IPP: variants seen among roughly 807,000 people sequenced by gnomAD.
IPP encodes actin-binding protein IPP.
IPP carries 41 observed loss-of-function variants against 64.1 expected under a neutral mutation model. The ratio of observed to expected loss-of-function variants is 0.64; its 90% CI spans 0.50 to 0.83. The LOEUF (loss-of-function observed/expected upper bound fraction) is 0.83. IPP is among the 40% of genes least tolerant of loss of function. The pLI, the probability that IPP is intolerant of heterozygous loss-of-function variation, is 0.00. For missense variants in IPP, 649 were observed against 703.0 expected, an observed-to-expected ratio of 0.92 and a Z score of 0.87; for synonymous variants, 214 against 235.2, an observed-to-expected ratio of 0.91 and a Z score of 0.83.
At chr1:45,713,870 GT>G (rs138178828) in intron 8 of IPP, among the ~76,000 whole-genome samples, 4 of 149,440 alleles carry the variant, frequency 2.7e-5, no homozygotes, top group African/African-American at 4.9e-5. Context: ...TACAAAAAAA[GT>G]TTTTTTTTTA....
At chr1:45,720,609 T>C (rs914300865) in intron 5 of IPP, among the ~76,000 whole-genome samples, 6 of 152,168 alleles carry the variant, frequency 3.9e-5, no homozygotes, top group Non-Finnish European at 8.8e-5. Flanking sequence ...AGTCTCATCA[T>C]ATATCAAGAC....
intron 8 of IPP, among the ~76,000 whole-genome samples, chr1:45,710,321 A>G (rs1347727049): frequency 2.3e-5 from 3 of 129,616 alleles, no homozygotes. Context: ...AGAACTAGAA[A>G]TAGTAAACAT....
In IPP at chr1:45,714,469, G is replaced by A. The variant is rs1645631867; in HGVS notation, c.1310-3C>T. On this transcript the variant is annotated splice_region_variant and splice_polypyrimidine_tract_variant and intron_variant, in intron 7 of 8. Transcript: ENST00000396478. ...GCCCCCAATTACATAAATTAAACCT[G>A]GAAGTGGAATATTTTTGCTCAGATG... The A allele has an allele frequency of 6.3e-7, 1 of 1,582,562 alleles. No individual in the cohort carries two copies. The highest frequency in any genetic ancestry group is 8.7e-7 in the Non-Finnish European group (1 of 1,151,440).
chr1:45,695,187 C>T (rs774893931), downstream of IPP, among the ~76,000 whole-genome samples: 10 of 152,004 alleles, frequency 6.6e-5, no homozygotes, highest in East Asian at 1.9e-4. Flanking sequence ...TTTGTTTAAA[C>T]GCAGGGTCTC....
At chr1:45,694,933 T>G (rs1346829458), downstream of IPP, 1 of 155,214 alleles carries the variant, frequency 6.4e-6, no homozygotes, top group African/African-American at 2.4e-5. Context: ...TCGCCTAGGC[T>G]GGAGTGCAGT....
At chr1:45,729,821 G>GA (rs1557753667) in intron 3 of IPP, 52 bp from the exon 4 acceptor site, 2 of 1,034,620 alleles carry the variant, frequency 1.9e-6, no homozygotes, top group Non-Finnish European at 2.8e-6. Flanking sequence ...AAATAATATT[G>GA]AAAAAACACA....
rs756979985 is a variant in IPP at position 45,735,466 on chromosome 1, C to CTTTTTTTT, written c.724+5427_724+5434dup. ...TTTATTTTTTATTGATTTAATTTTG[C>CTTTTTTTT]TTTTTTTTTTTTTTTTTTTTTTTTG... On this transcript the variant is annotated intron_variant, in intron 3 of 8. Coordinates refer to ENST00000396478, the MANE Select transcript of IPP (RefSeq NM_005897.3). Among the ~76,000 whole-genome samples the CTTTTTTTT allele has an allele frequency of 1.2e-3, 72 of 57,948 alleles. 2 individuals carry two copies. The highest frequency in any genetic ancestry group is 1.6e-3 in the South Asian group (2 of 1,232). The allele number at this position is 57,948 out of a possible 152,430, so 38.0% of individuals were successfully genotyped here.
intron 5 of IPP, among the ~76,000 whole-genome samples, chr1:45,724,539 C>G (rs545404173): frequency 1.3e-5 from 2 of 151,006 alleles, no homozygotes; most frequent in Admixed American, 1.3e-4. Flanking sequence ...GCGAGGAGCG[C>G]CTCTTCCCCG....
At chr1:45,733,249 AC>A (rs1162443450) in intron 3 of IPP, among the ~76,000 whole-genome samples, 4 of 150,958 alleles carry the variant, frequency 2.6e-5, no homozygotes, top group South Asian at 2.1e-4. Context: ...ATATGGTGAA[AC>A]CCCATCTCTA....
intron 1 of IPP, among the ~76,000 whole-genome samples, chr1:45,747,239 GAGAACAAGGAGA>G (rs1646151143): frequency 6.6e-6 from 1 of 151,846 alleles, no homozygotes; most frequent in Non-Finnish European, 1.5e-5. Context: ...TGAAATGAAT[GAGAACAAGGAGA>G]AATAACAACA....
chr1:45,725,067 G>T (rs1191093835), intron 5 of IPP, among the ~76,000 whole-genome samples: 7 of 147,198 alleles, frequency 4.8e-5, no homozygotes, highest in Non-Finnish European at 1.1e-4. Context: ...AGGGAGGTGG[G>T]GGGGTCAGCC....
downstream of IPP, among the ~76,000 whole-genome samples, chr1:45,697,504 A>C (rs1477021173): frequency 2.0e-5 from 3 of 152,010 alleles, no homozygotes; most frequent in Non-Finnish European, 4.4e-5. Flanking sequence ...TGCCCACCTC[A>C]GTCTCCCAAA....
At chr1:45,743,939 A>G (rs886190153) in intron 2 of IPP, among the ~76,000 whole-genome samples, 1 of 151,602 alleles carries the variant, frequency 6.6e-6, no homozygotes, top group African/African-American at 2.4e-5. Flanking sequence ...ATCGCTTGAA[A>G]CTGGGAGGCA....
intron 8 of IPP, among the ~76,000 whole-genome samples, chr1:45,703,886 G>A (rs1645485656): frequency 6.6e-6 from 1 of 152,164 alleles, no homozygotes; most frequent in Non-Finnish European, 1.5e-5. Flanking sequence ...GGCTGTATAT[G>A]TTGAGTTTGT....
rs577447940 is a variant in IPP, at chr1:45,717,722, C to CCAAGTTGGT, written c.1187-714_1187-706dup. On this transcript the variant is annotated intron_variant, in intron 6 of 8. Transcript: ENST00000396478. ...TAGAGACAGGGTTTCACCATGTTAG[C>CCAAGTTGGT]CAAGTTGGTCTCGATCTCCTGACTT... 6.6e-5 allele frequency among the ~76,000 whole-genome samples: 10 copies of CCAAGTTGGT among 152,204 alleles called. No individual in the cohort carries two copies. The East Asian group carries it at 1.9e-3, about 29-fold the overall frequency.
intron 8 of IPP, among the ~76,000 whole-genome samples, chr1:45,704,831 T>TAAGACACACCCACCAGTGC (rs1645496838): frequency 6.6e-6 from 1 of 152,180 alleles, no homozygotes; most frequent in Non-Finnish European, 1.5e-5. Flanking sequence ...CAACTCTCTG[T>TAAGACACACCCACCAGTGC]AAGACACACC....
intron 3 of IPP, among the ~76,000 whole-genome samples, chr1:45,739,353 C>T (rs1485302007): frequency 6.6e-6 from 1 of 151,656 alleles, no homozygotes; most frequent in Non-Finnish European, 1.5e-5. Flanking sequence ...CCCACCTCAG[C>T]CTCCCAGGTA....
At chr1:45,727,104 C>T (rs1645839397) in intron 5 of IPP, among the ~76,000 whole-genome samples, 1 of 152,108 alleles carries the variant, frequency 6.6e-6, no homozygotes, top group Admixed American at 6.6e-5. Flanking sequence ...GGCTGGAGTA[C>T]AGTGGCACGA....
In IPP at chr1:45,724,227, G is replaced by A. The variant is rs549313435; in HGVS notation, c.1048+3404C>T. 5.7e-4 allele frequency among the ~76,000 whole-genome samples: 87 copies of A among 152,286 alleles called. No individual in the cohort carries two copies. In the South Asian group the frequency reaches 0.012, roughly 20 times the overall value. ...TCCAGCTCCTAACCGCGAGTGATCC[G>A]CCAGCCTTCGCCTCCCGAGGTGCCG... is the stretch of plus-strand genomic sequence containing the variant. On this transcript the variant is annotated intron_variant, in intron 5 of 8. Coordinates refer to ENST00000396478, the MANE Select transcript of IPP (RefSeq NM_005897.3).
Sources: allele counts gnomAD v4.1 joint callset (sites outside exome capture counted in the v4.1 genomes callset), GRCh38; gene constraint gnomAD v4.1.1; transcripts MANE v1.5; gene names NCBI Gene and HGNC (gene_info 2026-07-23, HGNC 2026-07-21).